TEK: variants seen among roughly 807,000 people sequenced by gnomAD.
TEK encodes TEK receptor tyrosine kinase.
TEK carries 43 observed loss-of-function variants against 131.8 expected under a neutral mutation model. That is an observed-to-expected ratio of 0.33 (90% CI 0.26 to 0.42). TEK has a LOEUF of 0.42. TEK is among the 10% of genes least tolerant of loss of function. The pLI is 1.00. For missense variants in TEK, 1,162 were observed against 1,384.4 expected (o/e 0.84, Z 2.55); for synonymous variants, 580 against 491.6 (o/e 1.18, Z -2.38).
chr9:27,144,389 T>C (rs1822839818), intron 1 of TEK, among the ~76,000 whole-genome samples: 2 of 152,202 alleles, frequency 1.3e-5, no homozygotes. Flanking sequence ...GTTACTGCCA[T>C]CGGAATGAAT....
chr9:27,190,728 G>A lies in TEK; in HGVS notation c.1489+38G>A, dbSNP rs1400390949. On this transcript the variant is annotated intron_variant, in intron 10 of 22. Transcript: ENST00000380036. ...CAGGATAGATGCCAGCTGGGGATGTGGCACCAGGAGAATTATTTTTCTCCA... is the reference window on the plus strand; with the variant it reads ...CAGGATAGATGCCAGCTGGGGATGTAGCACCAGGAGAATTATTTTTCTCCA... 6 of 1,611,760 alleles carry A rather than the reference G, an allele frequency of 3.7e-6. No individual in the cohort carries two copies. The African/African-American group carries it at 6.7e-5, about 18-fold the overall frequency.
At chr9:27,171,139 T>C (rs1823941019) in intron 4 of TEK, among the ~76,000 whole-genome samples, 1 of 152,208 alleles carries the variant, frequency 6.6e-6, no homozygotes, top group Non-Finnish European at 1.5e-5. Flanking sequence ...ATTATAACTA[T>C]TGAAGTGGGG....
chr9:27,115,164 T>G (rs575409488), intron 1 of TEK, among the ~76,000 whole-genome samples: 1 of 152,182 alleles, frequency 6.6e-6, no homozygotes, highest in Non-Finnish European at 1.5e-5. Context: ...GTAAAAGTTT[T>G]TATTGGGTCC....
Position 27,113,714 on chromosome 9 carries a change from A to C in TEK, c.52+4072A>C, listed in dbSNP as rs539348420. On this transcript the variant is annotated intron_variant, in intron 1 of 22. Transcript: ENST00000380036. ...CCAGGATGTAGGAGAACCACTTAAT[A>C]TTCATAGATGCTGTCTCTTTCTACA... Among the ~76,000 whole-genome samples the C allele has an allele frequency of 5.9e-5, 9 of 152,332 alleles. No individual in the cohort carries two copies. The South Asian group carries it at 1.9e-3, about 32-fold the overall frequency.
At chr9:27,198,653 C>T (rs182554743) in intron 12 of TEK, among the ~76,000 whole-genome samples, 94 of 152,322 alleles carry the variant, frequency 6.2e-4, no homozygotes, top group Non-Finnish European at 9.3e-4. Context: ...GTCATATTTG[C>T]TTTCAGCATT....
chr9:27,228,809 C>A (rs996525250), intron 22 of TEK, among the ~76,000 whole-genome samples: 1 of 150,678 alleles, frequency 6.6e-6, no homozygotes, highest in Admixed American at 6.7e-5. Context: ...ACTAGAGATG[C>A]AGGTGAGATC....
intron 1 of TEK, among the ~76,000 whole-genome samples, chr9:27,155,063 C>T (rs1823280594): frequency 6.6e-6 from 1 of 152,174 alleles, no homozygotes; most frequent in African/African-American, 2.4e-5. Flanking sequence ...TCTTGACTGG[C>T]CCTAGAAATG....
At chr9:27,200,820 A>T (rs925804551) in intron 12 of TEK, among the ~76,000 whole-genome samples, 3 of 152,104 alleles carry the variant, frequency 2.0e-5, no homozygotes, top group Non-Finnish European at 4.4e-5. Flanking sequence ...CCTTACAATG[A>T]CTTTTTGAGG....
chr9:27,192,338 G>T, intron 10 of TEK, 151 bp from the exon 11 acceptor site: 3 of 806,756 alleles, frequency 3.7e-6, no homozygotes, highest in Non-Finnish European at 6.4e-6. Flanking sequence ...TATTGGGAAG[G>T]ATGAGGCCTT....
chr9:27,136,868 T>C (rs1322752541), intron 1 of TEK, among the ~76,000 whole-genome samples: 1 of 152,202 alleles, frequency 6.6e-6, no homozygotes, highest in African/African-American at 2.4e-5. Context: ...TCCAATGTTC[T>C]ACCTTTCTGC....
At chr9:27,174,579 G>T (rs766156414) in intron 6 of TEK, among the ~76,000 whole-genome samples, 3 of 152,150 alleles carry the variant, frequency 2.0e-5, no homozygotes, top group Non-Finnish European at 4.4e-5. Flanking sequence ...TATTTTAAGA[G>T]TTCCATAGCC....
chr9:27,220,868 C>A (rs1162130636), intron 21 of TEK, among the ~76,000 whole-genome samples: 1 of 152,210 alleles, frequency 6.6e-6, no homozygotes, highest in Non-Finnish European at 1.5e-5. Context: ...TCGGCAGACA[C>A]CAAGCTAGCT....
chr9:27,110,167 G>A (rs1821280483), intron 1 of TEK, among the ~76,000 whole-genome samples: 1 of 83,038 alleles, frequency 1.2e-5, no homozygotes, highest in Admixed American at 2.0e-4. Flanking sequence ...CAATGAAATT[G>A]TAGGCTTTTT....
chr9:27,218,939 T>TG, intron 20 of TEK, 122 bp downstream of exon 20: 1 of 997,434 alleles, frequency 1.0e-6, no homozygotes, highest in South Asian at 1.3e-5. Flanking sequence ...AGATGTGACT[T>TG]GGAAATAGAA....
chr9:27,204,354 A>T (rs1486417072), intron 13 of TEK, among the ~76,000 whole-genome samples: 3 of 152,286 alleles, frequency 2.0e-5, no homozygotes, highest in South Asian at 4.1e-4. Flanking sequence ...CTGAGCCCTA[A>T]ATTTAATTTT....
At position 27,221,800 on chromosome 9, in the gene TEK, C is replaced by A. The variant is rs113866903; in HGVS notation, c.3200+1655C>A. 7.9e-3 allele frequency among the ~76,000 whole-genome samples: 1,209 copies of A among 152,292 alleles called. 15 individuals are homozygous for A. The highest frequency in any genetic ancestry group is 0.027 in the African/African-American group (1,142 of 41,550). On this transcript the variant is annotated intron_variant, in intron 21 of 22. Coordinates refer to ENST00000380036, the MANE Select transcript of TEK (RefSeq NM_000459.5). The stretch of plus-strand genomic sequence containing the variant: ...AAGATGGAGAGAAACCAGTGCAAAA[C>A]CGCTGAAAATTCCAAAAACCAGAAT...
At chr9:27,126,133 G>A (rs757601848) in intron 1 of TEK, among the ~76,000 whole-genome samples, 19 of 152,122 alleles carry the variant, frequency 1.2e-4, no homozygotes, top group Non-Finnish European at 2.6e-4. Flanking sequence ...ACATAACCCT[G>A]CTTTATTTGT....
chr9:27,136,729 A>C (rs1196153567), intron 1 of TEK, among the ~76,000 whole-genome samples: 4 of 152,148 alleles, frequency 2.6e-5, no homozygotes, highest in Non-Finnish European at 5.9e-5. Context: ...CTATCTGTTC[A>C]AGTCCTTCAG....
chr9:27,131,391 A>T (rs1391951118), intron 1 of TEK, among the ~76,000 whole-genome samples: 1 of 150,780 alleles, frequency 6.6e-6, no homozygotes, highest in Non-Finnish European at 1.5e-5. Flanking sequence ...AGGAGGTTGG[A>T]TCAGCTGAGC....
Sources: gnomAD v4.1 joint callset for allele counts (sites outside exome capture counted in the v4.1 genomes callset) on GRCh38, gnomAD v4.1.1 for gene constraint, MANE v1.5 for transcripts, NCBI Gene and HGNC (gene_info 2026-07-23, HGNC 2026-07-21) for gene names.